ZNF556: variants seen among roughly 807,000 people sequenced by gnomAD.
ZNF556 encodes the protein zinc finger protein 556.
Under a neutral mutation model 13.6 loss-of-function variants are expected in ZNF556, and 11 were observed. The ratio of observed to expected loss-of-function variants is 0.81; its 90% CI spans 0.51 to 1.33. The LOEUF (loss-of-function observed/expected upper bound fraction) is 1.33. ZNF556 is among the 40% of genes most tolerant of loss of function. The pLI, the probability that ZNF556 is intolerant of heterozygous loss-of-function variation, is 0.00. For synonymous variants in ZNF556, 229 were observed against 207.8 expected, an observed-to-expected ratio of 1.10 and a Z score of -0.88; for missense variants, 633 against 566.2, an observed-to-expected ratio of 1.12 and a Z score of -1.20.
intron 1 of ZNF556, among the ~76,000 whole-genome samples, chr19:2,869,779 T>C (rs1196632800): frequency 6.6e-6 from 1 of 152,174 alleles, no homozygotes; most frequent in Non-Finnish European, 1.5e-5. Context: ...CCGGTGTCTG[T>C]ATGTGTCCCC....
chr19:2,868,634 C>T (rs774741223), intron 1 of ZNF556, among the ~76,000 whole-genome samples: 3 of 151,886 alleles, frequency 2.0e-5, no homozygotes, highest in Admixed American at 6.6e-5. Context: ...CCAAGCTGGT[C>T]TCCAACTCCT....
chr19:2,877,925 G>C lies in ZNF556; in HGVS notation c.967G>C (p.Ala323Pro), dbSNP rs199674434. The C allele has an allele frequency of 4.7e-5, 76 of 1,614,084 alleles. No individual in the cohort carries two copies. Among genetic ancestry groups the C allele is most frequent in the Non-Finnish European group, 6.4e-5 (75 of 1,180,054 alleles). Residue 323 changes from alanine to proline, a missense_variant, in exon 4 of 4, where the codon GCA becomes CCA. Ala to Pro is a conservative substitution (Grantham distance 27, BLOSUM62 -1). Coordinates refer to ENST00000307635, the MANE Select transcript of ZNF556 (RefSeq NM_024967.3). Reference protein sequence around the residue: ...KPYKCGKCGKAFGWPSSLHKH... With the variant: ...KPYKCGKCGKPFGWPSSLHKH... ...CTATAAGTGTGGAAAATGCGGGAAA[G>C]CATTCGGTTGGCCCTCATCCTTACA...
At position 2,877,734 on chromosome 19, in the gene ZNF556, A is replaced by C. The variant is rs1289134520; in HGVS notation, c.776A>C (p.Tyr259Ser). Residue 259 changes from tyrosine to serine, a missense_variant, in exon 4 of 4, where the codon TAT (tyrosine) becomes TCT (serine). Physicochemically the swap from Tyr to Ser is moderately radical, Grantham distance 144. Coordinates refer to ENST00000307635, the MANE Select transcript of ZNF556 (RefSeq NM_024967.3). ...HVMMHAGGRPYECKHCGKAFR... is the reference protein window; with the variant it reads ...HVMMHAGGRPSECKHCGKAFR... Reference sequence around the variant, plus strand: ...ATGATGCACGCCGGAGGGAGACCGTATGAGTGCAAGCACTGTGGGAAAGCC... The same window carrying C: ...ATGATGCACGCCGGAGGGAGACCGTCTGAGTGCAAGCACTGTGGGAAAGCC... The C allele has an allele frequency of 6.2e-7, 1 of 1,613,510 alleles. No individual in the cohort carries two copies. The highest frequency in any genetic ancestry group is 1.7e-5 in the Admixed American group (1 of 59,982).
intron 1 of ZNF556, 60 bp downstream of exon 1, chr19:2,867,484 G>T (rs752997951): frequency 1.2e-5 from 19 of 1,563,864 alleles, no homozygotes; most frequent in Non-Finnish European, 1.6e-5. Flanking sequence ...GGTTGGAAGC[G>T]GCCAGAACAC....
chr19:2,871,824 G>A (rs977784781), intron 1 of ZNF556, among the ~76,000 whole-genome samples: 12 of 152,154 alleles, frequency 7.9e-5, no homozygotes, highest in East Asian at 5.8e-4. Context: ...TAGTGGCCCC[G>A]AATGCCAGGC....
At chr19:2,873,328 C>T (rs192246122) in intron 1 of ZNF556, among the ~76,000 whole-genome samples, 168 bp from the exon 2 acceptor site, 143 of 152,242 alleles carry the variant, frequency 9.4e-4, no homozygotes, top group African/African-American at 3.1e-3. Context: ...AAAAAACCTA[C>T]GACACAGGAA....
At position 2,869,430 on chromosome 19, in the gene ZNF556, G is replaced by A. The variant is rs112898547; in HGVS notation, c.3+2006G>A. ...CACCGACGCTGGAGTGCAGTGGCGCGATCTCAGCTCACTGCAAGCTCCGCC... is the reference window on the plus strand; with the variant it reads ...CACCGACGCTGGAGTGCAGTGGCGCAATCTCAGCTCACTGCAAGCTCCGCC... On this transcript the variant is annotated intron_variant, in intron 1 of 3. Transcript: ENST00000307635. Among the ~76,000 whole-genome samples, 19 of 151,974 alleles carry A rather than the reference G, an allele frequency of 1.3e-4. 1 individual carries two copies. The highest frequency in any genetic ancestry group is 2.9e-5 in the Non-Finnish European group (2 of 68,010).
chr19:2,867,551 AC>A, intron 1 of ZNF556, 127 bp downstream of exon 1: 3 of 1,376,184 alleles, frequency 2.2e-6, no homozygotes, highest in Non-Finnish European at 2.0e-6. Context: ...TCCCTGTGTC[AC>A]CCCCGGGTCC....
Position 2,877,735 on chromosome 19 carries a change from T to C in ZNF556, c.777T>C (p.Tyr259=), listed in dbSNP as rs960027223. ...HVMMHAGGRP[Y]ECKHCGKAFR... ...TGATGCACGCCGGAGGGAGACCGTA[T>C]GAGTGCAAGCACTGTGGGAAAGCCT... The change falls in exon 4 of 4, where the codon TAT becomes TAC. Residue 259 remains tyrosine, a synonymous_variant. Coordinates refer to ENST00000307635, the MANE Select transcript of ZNF556 (RefSeq NM_024967.3). 6 of 1,613,274 alleles carry C rather than the reference T, an allele frequency of 3.7e-6. No homozygotes were observed. The highest frequency in any genetic ancestry group is 5.1e-6 in the Non-Finnish European group (6 of 1,179,702).
Position 2,878,425 on chromosome 19 carries a change from C to T in ZNF556, c.*96C>T. 1 of 1,270,708 alleles carries T rather than the reference C, an allele frequency of 7.9e-7. No homozygotes were observed. The allele number at this position is 1,270,708 out of a possible 1,614,324, so 78.7% of individuals were successfully genotyped here. ...GTGGCTCACGCCTGTAATCCCAGCA[C>T]TTTGGGAGGCCGAGGCAGGCGGATC... On this transcript the variant is annotated 3_prime_UTR_variant, in exon 4 of 4. Coordinates refer to ENST00000307635, the MANE Select transcript of ZNF556 (RefSeq NM_024967.3).
At chr19:2,867,523 A>T in intron 1 of ZNF556, 99 bp downstream of exon 1, 8 of 1,503,554 alleles carry the variant, frequency 5.3e-6, no homozygotes, top group Non-Finnish European at 3.6e-6. Context: ...GCCGCCCGGA[A>T]CCCCCATGCA....
At chr19:2,875,601 T>G (rs2087844665) in intron 2 of ZNF556, 1 of 155,262 alleles carries the variant, frequency 6.4e-6, no homozygotes, top group Admixed American at 6.5e-5. Context: ...ACATTTTCTT[T>G]TGGGAGTCGT....
In ZNF556 at chr19:2,882,449, G is replaced by C. The variant is rs2087910998; in HGVS notation, c.*4120G>C. ...TCTCAAAAAAAAAAAGAGACAAAAG[G>C]TATATTTATGGTTCAGCCTCATTTC... On this transcript the variant is annotated 3_prime_UTR_variant, in exon 4 of 4. Coordinates refer to ENST00000307635, the MANE Select transcript of ZNF556 (RefSeq NM_024967.3). The C allele has an allele frequency of 6.7e-6, 1 of 149,762 alleles. No homozygotes were observed. Among genetic ancestry groups the C allele is most frequent in the African/African-American group, 2.5e-5 (1 of 40,718 alleles). The allele number at this position is 149,762 out of a possible 1,614,324, so 9.3% of individuals were successfully genotyped here. A position where few individuals can be genotyped will look rare whatever the true frequency, so the allele number is the denominator to read the frequency against.
Position 2,878,607 on chromosome 19 carries a change from C to A in ZNF556, c.*278C>A, listed in dbSNP as rs1234740329. The stretch of plus-strand genomic sequence containing the variant: ...AGGAGAACGGCGTGAACCCGGGAGG[C>A]GGAGCTTGCAGTGAGCCGAGATGGC... On this transcript the variant is annotated 3_prime_UTR_variant, in exon 4 of 4. Coordinates refer to ENST00000307635, the MANE Select transcript of ZNF556 (RefSeq NM_024967.3). 3.5e-6 allele frequency: 1 copy of A among 281,844 alleles called. No homozygotes were observed. Among genetic ancestry groups the A allele is most frequent in the Non-Finnish European group, 6.8e-6 (1 of 147,338 alleles). 17.5% of individuals were successfully genotyped at this position (281,844 alleles called of 1,614,324 possible). A position where few individuals can be genotyped will look rare whatever the true frequency, so the allele number is the denominator to read the frequency against.
At position 2,882,885 on chromosome 19, in the gene ZNF556, G is replaced by A. The variant is rs1389896884; in HGVS notation, c.*4556G>A. 6.6e-6 allele frequency: 1 copy of A among 152,186 alleles called. No homozygotes were observed. Among genetic ancestry groups the A allele is most frequent in the Non-Finnish European group, 1.5e-5 (1 of 68,052 alleles). 9.4% of individuals were successfully genotyped at this position (152,186 alleles called of 1,614,324 possible). On this transcript the variant is annotated 3_prime_UTR_variant, in exon 4 of 4. Coordinates refer to ENST00000307635, the MANE Select transcript of ZNF556 (RefSeq NM_024967.3). ...ATATGTTTTTATGAGTTTGGACATT[G>A]GCATCTGGGACCAGGTACTTCATCT...
At chr19:2,869,770 C>T (rs113849034) in intron 1 of ZNF556, among the ~76,000 whole-genome samples, 83 of 152,302 alleles carry the variant, frequency 5.4e-4, no homozygotes, top group African/African-American at 1.9e-3. Context: ...ACTGGTGTCC[C>T]GGTGTCTGTA....
At chr19:2,875,748 A>C (rs2087845866) in intron 2 of ZNF556, among the ~76,000 whole-genome samples, 1 of 151,212 alleles carries the variant, frequency 6.6e-6, no homozygotes, top group Admixed American at 6.6e-5. Flanking sequence ...GCGAATCACA[A>C]GGTCAGGAGA....
At chr19:2,870,370 T>C (rs913831812) in intron 1 of ZNF556, among the ~76,000 whole-genome samples, 1 of 152,154 alleles carries the variant, frequency 6.6e-6, no homozygotes, top group East Asian at 1.9e-4. Flanking sequence ...GAGGATGGCT[T>C]GAGCCCAGGA....
At position 2,881,048 on chromosome 19, in the gene ZNF556, A is replaced by G. The variant is rs2087901012; in HGVS notation, c.*2719A>G. 1 of 151,458 alleles carries G rather than the reference A, an allele frequency of 6.6e-6. No homozygotes were observed. The highest frequency in any genetic ancestry group is 6.6e-5 in the Admixed American group (1 of 15,198). The allele number at this position is 151,458 out of a possible 1,614,324, so 9.4% of individuals were successfully genotyped here. ...ACACCCGGCTAATTTTTGTATTTTT[A>G]GTAGAGACGGGGTTTCACTATGCTG... On this transcript the variant is annotated 3_prime_UTR_variant, in exon 4 of 4. Transcript: ENST00000307635.
Sources: allele counts gnomAD v4.1 joint callset (sites outside exome capture counted in the v4.1 genomes callset), GRCh38; gene constraint gnomAD v4.1.1; transcripts MANE v1.5; gene names NCBI Gene and HGNC (gene_info 2026-07-23, HGNC 2026-07-21).